Variants in NECAB2 observed in about 807,000 individuals in gnomAD.
NECAB2 encodes N-terminal EF-hand calcium-binding protein 2.
Under a neutral mutation model 51.9 loss-of-function variants are expected in NECAB2, and 68 were observed. That is an observed-to-expected ratio of 1.31 (90% CI 1.08 to 1.60). The LOEUF is 1.60. NECAB2 is among the 40% of genes most tolerant of loss of function. NECAB2 has a pLI of 0.00. For synonymous variants in NECAB2, 329 were observed against 203.5 expected (o/e 1.62, Z -5.25); for missense variants, 854 against 490.3 (o/e 1.74, Z -7.00).
chr16:84,000,831 GGGAGACAGAGGGAAGT>G (rs758949454), intron 11 of NECAB2, 30 bp downstream of exon 11: 88 of 1,403,446 alleles, frequency 6.3e-5, no homozygotes, highest in African/African-American at 4.3e-4. Flanking sequence ...CAGCAGGTGA[GGGAGACAGAGGGAAGT>G]GGGGGGGCTG....
chr16:83,969,914 C>A (rs1442756635), intron 1 of NECAB2, among the ~76,000 whole-genome samples: 1 of 152,188 alleles, frequency 6.6e-6, no homozygotes, highest in Non-Finnish European at 1.5e-5. Flanking sequence ...GCTCCTGGAA[C>A]CCTTGGCCGG....
At chr16:83,981,412 G>C (rs1007257736) in intron 5 of NECAB2, among the ~76,000 whole-genome samples, 10 of 151,624 alleles carry the variant, frequency 6.6e-5, no homozygotes, top group African/African-American at 1.7e-4. Flanking sequence ...GCCCTTAAGG[G>C]GTCCCCAGAC....
upstream of NECAB2, chr16:83,965,682 A>T (rs1597185655): frequency 6.2e-7 from 1 of 1,613,546 alleles, no homozygotes; most frequent in East Asian, 2.2e-5. Context: ...CTGTGCTTCA[A>T]GGAAGACTGC....
At chr16:83,994,775 G>A in intron 8 of NECAB2, 87 bp downstream of exon 8, 2 of 1,429,256 alleles carry the variant, frequency 1.4e-6, no homozygotes, top group Non-Finnish European at 1.9e-6. Context: ...CAAAAGTCTG[G>A]GCTGCAGAGG....
At chr16:83,980,185 A>T (rs1264083502) in intron 3 of NECAB2, among the ~76,000 whole-genome samples, 1 of 152,136 alleles carries the variant, frequency 6.6e-6, no homozygotes, top group Non-Finnish European at 1.5e-5. Flanking sequence ...CCTTATCCAG[A>T]CCATCTCTAG....
intron 10 of NECAB2, among the ~76,000 whole-genome samples, chr16:83,998,842 G>T (rs1456423832): frequency 6.6e-6 from 1 of 152,216 alleles, no homozygotes; most frequent in Non-Finnish European, 1.5e-5. Flanking sequence ...GGGGCAAGCG[G>T]CCTTACCTTC....
chr16:83,974,575 C>A (rs2084384154), intron 2 of NECAB2, among the ~76,000 whole-genome samples: 1 of 152,156 alleles, frequency 6.6e-6, no homozygotes, highest in African/African-American at 2.4e-5. Flanking sequence ...TTCCTTTAAT[C>A]TTCATTGTGA....
chr16:83,972,373 C>T lies in NECAB2; in HGVS notation c.226+198C>T, dbSNP rs532644580. Among the ~76,000 whole-genome samples, 96 of 152,312 alleles carry T rather than the reference C, an allele frequency of 6.3e-4. 1 individual carries two copies. The highest frequency in any genetic ancestry group is 2.3e-3 in the African/African-American group (94 of 41,560). On this transcript the variant is annotated intron_variant, in intron 2 of 12. Coordinates refer to ENST00000305202, the MANE Select transcript of NECAB2 (RefSeq NM_019065.3). ...CTGTAAAACGGGAATCCTAGTAGGGCCTACTTAGTAGGGACAGCTCCACTC... is the reference window on the plus strand; with the variant it reads ...CTGTAAAACGGGAATCCTAGTAGGGTCTACTTAGTAGGGACAGCTCCACTC...
At chr16:84,001,091 C>T (rs1398682294) in intron 11 of NECAB2, among the ~76,000 whole-genome samples, 3 of 152,110 alleles carry the variant, frequency 2.0e-5, no homozygotes, top group African/African-American at 7.2e-5. Flanking sequence ...GGGGCCGAGG[C>T]ACTGCCTTCT....
intron 11 of NECAB2, among the ~76,000 whole-genome samples, chr16:84,001,167 C>T (rs866213763): frequency 6.6e-6 from 1 of 152,098 alleles, no homozygotes; most frequent in African/African-American, 2.4e-5. Context: ...ATCAATTGTT[C>T]CAGCGACTAA....
chr16:83,974,324 A>T (rs2084381403), intron 2 of NECAB2, among the ~76,000 whole-genome samples: 1 of 152,158 alleles, frequency 6.6e-6, no homozygotes, highest in Admixed American at 6.5e-5. Flanking sequence ...GTAAATGGGA[A>T]TAATTACAGC....
rs2280027 is a variant in NECAB2, at chr16:84,002,622, T to C, written c.*276T>C. 303,278 of 552,884 alleles carry C rather than the reference T, an allele frequency of 0.55. 87,356 individuals are homozygous for C. Among genetic ancestry groups the C allele is most frequent in the African/African-American group, 0.86 (44,953 of 52,402 alleles). 34.2% of individuals were successfully genotyped at this position (552,884 alleles called of 1,614,324 possible). On this transcript the variant is annotated 3_prime_UTR_variant, in exon 13 of 13. Coordinates refer to ENST00000305202, the MANE Select transcript of NECAB2 (RefSeq NM_019065.3). ...TGCCTCCTGGTCCTGGCCTCTCCCC[T>C]ACCCCTCACATGGCCACGCATGACC...
chr16:83,969,148 C>T (rs2151082795), intron 1 of NECAB2, among the ~76,000 whole-genome samples: 1 of 151,626 alleles, frequency 6.6e-6, no homozygotes, highest in South Asian at 2.1e-4. Context: ...CGGCCACTGT[C>T]CCCCTAGTTT....
rs1342044588 is a variant in NECAB2 at position 83,968,682 on chromosome 16, G to C, written c.34G>C (p.Gly12Arg). The change falls in exon 1 of 13, where the codon GGC becomes CGC. Residue 12 changes from glycine to arginine, a missense_variant. By Grantham distance (125) the Gly-to-Arg change is moderately radical (BLOSUM62 -2). Transcript: ENST00000305202. The stretch of plus-strand genomic sequence containing the variant: ...GCGGGCGGCGCGCCTGTGCAGGGCC[G>C]GCGCGCACAGGCTGCTCCGGGAGCC... The part of the protein sequence containing the change: ...CERAARLCRA[G>R]AHRLLREPPQ... 1.9e-5 allele frequency: 19 copies of C among 989,286 alleles called. No homozygotes were observed. The highest frequency in any genetic ancestry group is 2.2e-5 in the Non-Finnish European group (18 of 834,266). The allele number at this position is 989,286 out of a possible 1,614,324, so 61.3% of individuals were successfully genotyped here.
chr16:84,001,624 G>T (rs543983623), intron 11 of NECAB2, among the ~76,000 whole-genome samples: 2 of 152,126 alleles, frequency 1.3e-5, no homozygotes, highest in East Asian at 3.9e-4. Flanking sequence ...TAGCTCACAG[G>T]GAAAAAGAGA....
intron 5 of NECAB2, among the ~76,000 whole-genome samples, chr16:83,985,492 G>C (rs1211784557): frequency 6.6e-6 from 1 of 151,298 alleles, no homozygotes; most frequent in African/African-American, 2.4e-5. Flanking sequence ...AATTAGCTGG[G>C]CGTGGTGGCA....
chr16:83,979,586 C>G (rs1341148793), intron 3 of NECAB2, among the ~76,000 whole-genome samples: 1 of 152,186 alleles, frequency 6.6e-6, no homozygotes, highest in African/African-American at 2.4e-5. Flanking sequence ...TGAGCTGTTA[C>G]TGCAGCTTCC....
chr16:83,993,953 G>T (rs2084659428), intron 6 of NECAB2, among the ~76,000 whole-genome samples: 1 of 152,166 alleles, frequency 6.6e-6, no homozygotes, highest in Non-Finnish European at 1.5e-5. Flanking sequence ...TCACTCCACA[G>T]CTTGGGCTCT....
At chr16:83,999,549 T>C (rs34648945) in intron 10 of NECAB2, among the ~76,000 whole-genome samples, 18,942 of 151,838 alleles carry the variant, frequency 0.12, 1,798 homozygotes, top group African/African-American at 0.28. Flanking sequence ...CCCGGCCCCT[T>C]CCTCTAGGCT....
Sources: allele counts gnomAD v4.1 joint callset (sites outside exome capture counted in the v4.1 genomes callset), GRCh38; gene constraint gnomAD v4.1.1; transcripts MANE v1.5; gene names NCBI Gene and HGNC (gene_info 2026-07-23, HGNC 2026-07-21).